LPP: variants seen among roughly 807,000 people sequenced by gnomAD.
LPP encodes lipoma-preferred partner.
LPP carries 38 observed loss-of-function variants against 60.4 expected under a neutral mutation model. That is an observed-to-expected ratio of 0.63 (90% CI 0.49 to 0.83). The LOEUF is 0.83. Among genes scored for constraint, LPP ranks in the 40% least tolerant of loss-of-function variants. The pLI is 0.00. For synonymous variants in LPP, 328 were observed against 290.8 expected (o/e 1.13, Z -1.30); for missense variants, 902 against 783.6 (o/e 1.15, Z -1.80).
chr3:188,308,386 A>G (rs1456553406), intron 2 of LPP, among the ~76,000 whole-genome samples: 5 of 152,214 alleles, frequency 3.3e-5, no homozygotes, highest in Admixed American at 2.6e-4. Flanking sequence ...TGTGAGTGAC[A>G]ATATCATAGG....
chr3:188,289,006 T>A (rs1388780599), intron 2 of LPP, among the ~76,000 whole-genome samples: 2 of 152,106 alleles, frequency 1.3e-5, no homozygotes, highest in African/African-American at 4.8e-5. Context: ...AGGAAATGTA[T>A]CAGAAATAAA....
intron 2 of LPP, among the ~76,000 whole-genome samples, chr3:188,281,219 C>G (rs1183847111): frequency 9.9e-5 from 15 of 151,846 alleles, no homozygotes. Flanking sequence ...CACATAAAAG[C>G]CTTTTACATA....
At chr3:188,186,264 A>C (rs1726574635) in intron 1 of LPP, among the ~76,000 whole-genome samples, 1 of 152,018 alleles carries the variant, frequency 6.6e-6, no homozygotes, top group African/African-American at 2.4e-5. Context: ...TTCCTCAGGG[A>C]TTCTTTACAT....
At chr3:188,639,374 A>T (rs886571751) in intron 7 of LPP, among the ~76,000 whole-genome samples, 7 of 150,988 alleles carry the variant, frequency 4.6e-5, no homozygotes, top group Non-Finnish European at 8.9e-5. Flanking sequence ...TTCAAGATGG[A>T]TTAAAGACTT....
At chr3:188,740,673 T>C (rs1020081465) in intron 8 of LPP, among the ~76,000 whole-genome samples, 3 of 151,978 alleles carry the variant, frequency 2.0e-5, no homozygotes, top group Non-Finnish European at 4.4e-5. Context: ...CTTCAGCTTG[T>C]GATTGTTCAG....
chr3:188,524,821 A>G (rs2150186997), intron 6 of LPP, 34 bp downstream of exon 6: 13 of 1,595,344 alleles, frequency 8.1e-6, no homozygotes, highest in Non-Finnish European at 1.1e-5. Flanking sequence ...CCACACAGCC[A>G]TTCCCAGATA....
At chr3:188,818,910 GAAGAT>G (rs1753189691) in intron 9 of LPP, among the ~76,000 whole-genome samples, 1 of 152,064 alleles carries the variant, frequency 6.6e-6, no homozygotes, top group South Asian at 2.1e-4. Context: ...TTGGCTGTTG[GAAGAT>G]AAGATAATTT....
intron 2 of LPP, among the ~76,000 whole-genome samples, chr3:188,227,738 G>A (rs751640569): frequency 5.3e-5 from 8 of 152,118 alleles, no homozygotes; most frequent in Non-Finnish European, 7.4e-5. Flanking sequence ...GCCATGAGAC[G>A]GCTGCCTGCT....
Position 188,885,166 on chromosome 3 carries a change from GT to G in LPP, c.*10690del, listed in dbSNP as rs968065145. 4.8e-6 allele frequency: 1 copy of G among 206,246 alleles called. No homozygotes were observed. The highest frequency in any genetic ancestry group is 9.9e-6 in the Non-Finnish European group (1 of 101,284). The allele number at this position is 206,246 out of a possible 1,614,324, so 12.8% of individuals were successfully genotyped here. A position where few individuals can be genotyped will look rare whatever the true frequency, so the allele number is the denominator to read the frequency against. On this transcript the variant is annotated 3_prime_UTR_variant, in exon 12 of 12. Transcript: ENST00000617246. ...TTCCTCTCATTTCACTCCTTTCATT[GT>G]TTGCTATATCCTAAAATATGTGAAG...
In LPP at chr3:188,524,691, G is replaced by A; in HGVS notation, c.333G>A (p.Glu111=). Residue 111 remains glutamate (E), a synonymous_variant, in exon 6 of 12, where the codon GAG becomes GAA. Transcript: ENST00000617246. ...VQGNPGGKTL[E]ERRSSLDAEI... Reference sequence around the variant, plus strand: ...GGAATCCCGGAGGCAAGACACTTGAGGAGAGGCGCTCCAGCCTGGACGCTG... The same window carrying A: ...GGAATCCCGGAGGCAAGACACTTGAAGAGAGGCGCTCCAGCCTGGACGCTG... 2 of 1,614,004 alleles carry A rather than the reference G, an allele frequency of 1.2e-6. No homozygotes were observed. The highest frequency in any genetic ancestry group is 1.7e-6 in the Non-Finnish European group (2 of 1,179,922).
At chr3:188,581,640 C>T (rs550166454) in intron 6 of LPP, among the ~76,000 whole-genome samples, 7 of 152,176 alleles carry the variant, frequency 4.6e-5, no homozygotes, top group African/African-American at 1.4e-4. Context: ...GCCCAACTCA[C>T]TCATCTGTAA....
intron 11 of LPP, 78 bp downstream of exon 11, chr3:188,872,841 G>A (rs1768490939): frequency 1.3e-6 from 2 of 1,582,140 alleles, no homozygotes; most frequent in South Asian, 1.1e-5. Context: ...CATAGATGTA[G>A]CAATTACTAA....
At position 188,154,227 on chromosome 3, in the gene LPP, G is replaced by C. The variant is rs1047138913; in HGVS notation, c.-215G>C. 1.3e-5 allele frequency among the ~76,000 whole-genome samples: 2 copies of C among 151,814 alleles called. No individual in the cohort carries two copies. Among genetic ancestry groups the C allele is most frequent in the Non-Finnish European group, 2.9e-5 (2 of 67,910 alleles). On this transcript the variant is annotated 5_prime_UTR_variant, in exon 1 of 12. Coordinates refer to ENST00000617246, the MANE Select transcript of LPP (RefSeq NM_001375462.1). ...CGCCGCCGCCGCCACCACCACCGCC[G>C]CTGCCCCGGCTGCCTCCTCCCTGAG...
chr3:188,699,960 A>C (rs138224413), intron 7 of LPP, among the ~76,000 whole-genome samples: 2 of 152,366 alleles, frequency 1.3e-5, no homozygotes, highest in East Asian at 3.9e-4. Flanking sequence ...AAGAACGAAA[A>C]TATCAGAAAT....
intron 2 of LPP, among the ~76,000 whole-genome samples, chr3:188,236,181 T>G (rs1721854884): frequency 6.6e-6 from 1 of 152,178 alleles, no homozygotes. Context: ...CCATTACTTT[T>G]AATGGCAAAA....
chr3:188,576,387 G>A (rs1399745), intron 6 of LPP, among the ~76,000 whole-genome samples: 152,059 of 152,304 alleles, frequency 1, 75,907 homozygotes, highest in Middle Eastern at 1. Flanking sequence ...AATGTTGAGT[G>A]GTTCATTCTG....
At chr3:188,233,368 C>T (rs1720766787) in intron 2 of LPP, among the ~76,000 whole-genome samples, 1 of 152,206 alleles carries the variant, frequency 6.6e-6, no homozygotes, top group Admixed American at 6.5e-5. Flanking sequence ...ACCTCTTCAT[C>T]TGTAAATGGA....
At chr3:188,178,439 T>A (rs1298758669) in intron 1 of LPP, 1 of 152,256 alleles carries the variant, frequency 6.6e-6, no homozygotes, top group Non-Finnish European at 1.5e-5. Flanking sequence ...CTGTTCGCTT[T>A]TGCAAGATCT....
chr3:188,274,184 A>T (rs1382935786), intron 2 of LPP, among the ~76,000 whole-genome samples: 1 of 152,170 alleles, frequency 6.6e-6, no homozygotes, highest in Non-Finnish European at 1.5e-5. Context: ...GAAATTGAAA[A>T]TTGGAGAAGC....
Sources: gnomAD v4.1 joint callset for allele counts (sites outside exome capture counted in the v4.1 genomes callset) on GRCh38, gnomAD v4.1.1 for gene constraint, MANE v1.5 for transcripts, NCBI Gene and HGNC (gene_info 2026-07-23, HGNC 2026-07-21) for gene names.